Variants in BACH2 observed in about 807,000 individuals in gnomAD.
BACH2 encodes the protein BACH transcriptional regulator 2, also known as transcription regulator protein BACH2.
In BACH2, 5 loss-of-function variants were observed where a neutral mutation model predicts 61.8. The ratio of observed to expected loss-of-function variants is 0.08; its 90% confidence interval spans 0.04 to 0.17. The LOEUF is 0.17. Ranked by LOEUF, BACH2 falls within the 10% of genes least tolerant of loss-of-function variation. BACH2 has a pLI of 1.00. For missense variants in BACH2, 824 were observed against 1,091.1 expected (o/e 0.76, Z 3.45); for synonymous variants, 446 against 440.1 (o/e 1.01, Z -0.17).
intron 5 of BACH2, among the ~76,000 whole-genome samples, chr6:90,087,728 T>TG (rs996792080): frequency 2.5e-4 from 20 of 78,896 alleles, no homozygotes; most frequent in East Asian, 2.0e-3. Context: ...CATGTGTGTG[T>TG]TTTTTTTTTA....
chr6:89,949,995 T>C (rs1773979416), intron 7 of BACH2: 2 of 494,252 alleles, frequency 4.0e-6, no homozygotes, highest in Non-Finnish European at 3.7e-6. Context: ...GTGTACTTCA[T>C]GCATTAGACT....
chr6:89,935,598 A>C (rs1772974557), intron 8 of BACH2, among the ~76,000 whole-genome samples: 1 of 152,214 alleles, frequency 6.6e-6, no homozygotes, highest in Non-Finnish European at 1.5e-5. Context: ...CTGAAACACA[A>C]CGTGTTATTT....
intron 5 of BACH2, among the ~76,000 whole-genome samples, chr6:90,025,502 C>T (rs1238595502): frequency 1.3e-5 from 2 of 152,140 alleles, no homozygotes; most frequent in Non-Finnish European, 2.9e-5. Context: ...GCATGTGCTT[C>T]ATGCCTATTA....
intron 6 of BACH2, among the ~76,000 whole-genome samples, chr6:89,963,775 T>A (rs1051654368): frequency 1.3e-5 from 2 of 152,240 alleles, no homozygotes; most frequent in African/African-American, 4.8e-5. Context: ...CACAGCAGCA[T>A]TATTCACAAT....
intron 3 of BACH2, among the ~76,000 whole-genome samples, chr6:90,251,794 AG>A (rs1770819858): frequency 6.6e-6 from 1 of 152,178 alleles, no homozygotes; most frequent in Non-Finnish European, 1.5e-5. Context: ...TGTAATGGAA[AG>A]TTAATTTTGT....
At chr6:90,127,324 T>C (rs548379823) in intron 4 of BACH2, among the ~76,000 whole-genome samples, 1 of 152,152 alleles carries the variant, frequency 6.6e-6, no homozygotes, top group Non-Finnish European at 1.5e-5. Context: ...GACCCCCTTT[T>C]TGAGGTGAAG....
intron 4 of BACH2, among the ~76,000 whole-genome samples, chr6:90,099,437 G>A (rs1304373287): frequency 6.6e-6 from 1 of 152,168 alleles, no homozygotes; most frequent in Non-Finnish European, 1.5e-5. Flanking sequence ...GGAGTACAGT[G>A]GCGTGATCAT....
intron 3 of BACH2, among the ~76,000 whole-genome samples, chr6:90,211,899 C>A (rs1405580020): frequency 1.3e-5 from 2 of 152,202 alleles, no homozygotes; most frequent in Non-Finnish European, 2.9e-5. Flanking sequence ...GTGGGATGGA[C>A]TCTTGTTCCT....
At chr6:89,933,419 C>T (rs1772802235) in intron 8 of BACH2, among the ~76,000 whole-genome samples, 2 of 152,066 alleles carry the variant, frequency 1.3e-5, no homozygotes, top group South Asian at 4.2e-4. Flanking sequence ...GATTTGGGGG[C>T]AGTGAAGCCA....
intron 5 of BACH2, among the ~76,000 whole-genome samples, chr6:90,029,489 C>T (rs1023972872): frequency 6.6e-6 from 1 of 152,150 alleles, no homozygotes; most frequent in Non-Finnish European, 1.5e-5. Flanking sequence ...CCTCACTCTC[C>T]ATCCTCCCTC....
intron 5 of BACH2, among the ~76,000 whole-genome samples, chr6:90,020,315 C>T (rs1174659369): frequency 6.6e-6 from 1 of 152,182 alleles, no homozygotes; most frequent in African/African-American, 2.4e-5. Context: ...CCCAATGTGG[C>T]AGCATTAAGA....
At chr6:90,141,714 C>T (rs2983374) in intron 4 of BACH2, among the ~76,000 whole-genome samples, 2,990 of 152,188 alleles carry the variant, frequency 0.02, 80 homozygotes, top group African/African-American at 0.062. Flanking sequence ...GTTGTATATA[C>T]ATACTTCAAA....
At chr6:90,192,347 C>A (rs995649379) in intron 4 of BACH2, among the ~76,000 whole-genome samples, 1 of 150,816 alleles carries the variant, frequency 6.6e-6, no homozygotes, top group African/African-American at 2.4e-5. Context: ...ACAGGTAAAT[C>A]TAAATAATTT....
Position 90,185,293 on chromosome 6 carries a change from A to G in BACH2, c.-162+21276T>C, listed in dbSNP as rs909390103. On this transcript the variant is annotated intron_variant, in intron 4 of 8. Transcript: ENST00000257749. The stretch of plus-strand genomic sequence containing the variant: ...GATCCTTTGACTTTTTACACATTAA[A>G]TGTCTGTTTCAGGGGACCGAAAGCT... Among the ~76,000 whole-genome samples, 3 of 152,194 alleles carry G rather than the reference A, an allele frequency of 2.0e-5. No homozygotes were observed. The South Asian group carries it at 6.2e-4, about 32-fold the overall frequency.
chr6:90,121,186 G>A (rs186776036), intron 4 of BACH2, among the ~76,000 whole-genome samples: 15 of 152,148 alleles, frequency 9.9e-5, no homozygotes, highest in African/African-American at 3.6e-4. Flanking sequence ...AAAAGGCCTC[G>A]AGCCCACATC....
chr6:90,160,313 G>A (rs1214336170), intron 4 of BACH2, among the ~76,000 whole-genome samples: 1 of 152,180 alleles, frequency 6.6e-6, no homozygotes, highest in Non-Finnish European at 1.5e-5. Flanking sequence ...GCAAGGCGGG[G>A]ATGAGGCCCT....
Position 89,932,558 on chromosome 6 carries a change from A to C in BACH2, c.2376T>G (p.Ser792=), listed in dbSNP as rs1241795649. Residue 792 remains serine (S), a synonymous_variant, in exon 9 of 9, where the codon TCT becomes TCG. Transcript: ENST00000257749. ...GGTCAGTGCCTTCTAGTCTCCTCCC[A>C]GAGGTACAATTCTCGGAGGTGTTGC... The part of the protein sequence containing the change: ...APSNTSENCT[S]GRRLEGTDPG... 3 of 1,613,590 alleles carry C rather than the reference A, an allele frequency of 1.9e-6. No homozygotes were observed. The highest frequency in any genetic ancestry group is 1.1e-5 in the South Asian group (1 of 91,034).
chr6:90,081,506 T>C (rs1450918332), intron 5 of BACH2, among the ~76,000 whole-genome samples: 1 of 152,164 alleles, frequency 6.6e-6, no homozygotes, highest in Non-Finnish European at 1.5e-5. Flanking sequence ...GTTACCTGAA[T>C]TGAGCACATT....
chr6:89,949,941 A>C (rs1773974347), intron 7 of BACH2, among the ~76,000 whole-genome samples: 1 of 151,422 alleles, frequency 6.6e-6, no homozygotes, highest in Admixed American at 6.6e-5. Context: ...CAGGTGTAGG[A>C]GGGGGAGAGA....
Sources: gnomAD v4.1 joint callset for allele counts (sites outside exome capture counted in the v4.1 genomes callset) on GRCh38, gnomAD v4.1.1 for gene constraint, MANE v1.5 for transcripts, NCBI Gene and HGNC (gene_info 2026-07-23, HGNC 2026-07-21) for gene names.